SLC14A1: variants seen among roughly 807,000 people sequenced by gnomAD.
SLC14A1 encodes the protein urea transporter 1.
In SLC14A1, 36 loss-of-function variants were observed where a neutral mutation model predicts 39.6. The ratio of observed to expected loss-of-function variants is 0.91; its 90% CI spans 0.70 to 1.20. SLC14A1 has a LOEUF of 1.20. SLC14A1 is among the 50% of genes most tolerant of loss of function. SLC14A1 has a pLI of 0.00. For missense variants in SLC14A1, 469 were observed against 478.7 expected (o/e 0.98, Z 0.19); for synonymous variants, 164 against 173.6 (o/e 0.94, Z 0.43).
Position 45,749,835 on chromosome 18 carries a change from A to T in SLC14A1, c.1054A>T (p.Met352Leu), listed in dbSNP as rs947916224. 1 of 1,614,164 alleles carries T rather than the reference A, an allele frequency of 6.2e-7. No individual in the cohort carries two copies. Among genetic ancestry groups the T allele is most frequent in the Admixed American group, 1.7e-5 (1 of 60,012 alleles). Residue 352 changes from methionine to leucine, a missense_variant, in exon 10 of 10, where the codon ATG becomes TTG. Physicochemically the swap from Met to Leu is conservative, Grantham distance 15 (BLOSUM62 2). Transcript: ENST00000321925. ...FCLATLLFLI[M>L]TTKNSNIYKM... ...TTTGGCCACGCTATTGTTCCTCATC[A>T]TGACCACAAAAAATTCCAACATCTA...
intron 1 of SLC14A1, among the ~76,000 whole-genome samples, chr18:45,724,520 G>A (rs1255703281): frequency 6.6e-6 from 1 of 152,252 alleles, no homozygotes; most frequent in African/African-American, 2.4e-5. Context: ...TGCAGCACCT[G>A]AGCTGATGTG....
Position 45,730,526 on chromosome 18 carries a change from G to A in SLC14A1, c.151+55G>A, listed in dbSNP as rs558713835. Reference sequence around the variant, plus strand: ...AGGAGAAGTAGCTTTGGGGGAAATGGTTTCCTGGTACTTCTACTTATACCT... The same window carrying A: ...AGGAGAAGTAGCTTTGGGGGAAATGATTTCCTGGTACTTCTACTTATACCT... On this transcript the variant is annotated intron_variant, in intron 3 of 9. Transcript: ENST00000321925. The A allele has an allele frequency of 8.9e-6, 14 of 1,581,168 alleles. No homozygotes were observed. In the African/African-American group the frequency reaches 1.8e-4, roughly 20 times the overall value.
intron 8 of SLC14A1, among the ~76,000 whole-genome samples, chr18:45,743,502 G>T (rs1208839550): frequency 4.6e-5 from 7 of 152,068 alleles, no homozygotes; most frequent in Non-Finnish European, 8.8e-5. Flanking sequence ...TTCAATTCCA[G>T]CAGGTCTGCT....
rs2047018049 is a variant in SLC14A1, at chr18:45,731,141, C to T, written c.278C>T (p.Ala93Val). Residue 93 changes from alanine (A) to valine (V), a missense_variant, in exon 4 of 10, where the codon GCT becomes GTT. Physicochemically the swap from Ala to Val is moderately conservative, Grantham distance 64 (BLOSUM62 0). Transcript: ENST00000321925. Reference protein sequence around the residue: ...VGLLVQNPWWALTGWLGTVVS... With the variant: ...VGLLVQNPWWVLTGWLGTVVS... ...CTTCTTGTTCAGAACCCCTGGTGGG[C>T]TCTCACTGGCTGGCTGGGAACAGTG... is the stretch of plus-strand genomic sequence containing the variant. The T allele has an allele frequency of 6.2e-7, 1 of 1,614,160 alleles. No individual in the cohort carries two copies. Among genetic ancestry groups the T allele is most frequent in the Non-Finnish European group, 8.5e-7 (1 of 1,180,006 alleles).
At chr18:45,727,634 G>A (rs534412271) in intron 2 of SLC14A1, among the ~76,000 whole-genome samples, 187 of 152,338 alleles carry the variant, frequency 1.2e-3, no homozygotes, top group Non-Finnish European at 2.0e-3. Context: ...AAAAGCTGGG[G>A]ATAAGTCACC....
At chr18:45,728,130 G>T (rs183035053) in intron 2 of SLC14A1, among the ~76,000 whole-genome samples, 31 of 152,242 alleles carry the variant, frequency 2.0e-4, no homozygotes, top group Admixed American at 1.9e-3. Flanking sequence ...TTGGGCTGTC[G>T]ATTTGGAGAA....
intron 8 of SLC14A1, chr18:45,741,274 TTCAA>T (rs371093031): frequency 6.6e-6 from 1 of 152,226 alleles, no homozygotes. Context: ...GCATGCCTAA[TTCAA>T]TCAAAGTATA....
chr18:45,739,131 G>C, intron 6 of SLC14A1, 32 bp from the exon 7 acceptor site: 1 of 1,613,838 alleles, frequency 6.2e-7, no homozygotes, highest in African/African-American at 1.3e-5. Flanking sequence ...AGTTGTTTTG[G>C]TAGCCTCATT....
At chr18:45,737,466 C>T (rs994874325) in intron 6 of SLC14A1, 2 of 152,292 alleles carry the variant, frequency 1.3e-5, no homozygotes. Context: ...GAAACCTTAC[C>T]TTTTTAATGT....
intron 8 of SLC14A1, among the ~76,000 whole-genome samples, chr18:45,740,801 G>A (rs538431683): frequency 5.9e-5 from 9 of 152,268 alleles, no homozygotes; most frequent in Admixed American, 5.9e-4. Context: ...ACCTCCCAAA[G>A]TGCTGGGATT....
chr18:45,749,516 A>G (rs1488856582), intron 9 of SLC14A1, among the ~76,000 whole-genome samples: 1 of 152,138 alleles, frequency 6.6e-6, no homozygotes, highest in African/African-American at 2.4e-5. Flanking sequence ...CATCTGGTGC[A>G]GGAAGTCTGA....
At position 45,739,221 on chromosome 18, in the gene SLC14A1, C is replaced by G. The variant is rs141539101; in HGVS notation, c.722C>G (p.Thr241Arg). 8 of 1,613,968 alleles carry G rather than the reference C, an allele frequency of 5.0e-6. No homozygotes were observed. Among genetic ancestry groups the G allele is most frequent in the African/African-American group, 2.7e-5 (2 of 74,902 alleles). ...GQIYGCDNPWTGGIFLGAILL... is the reference protein window; with the variant it reads ...GQIYGCDNPWRGGIFLGAILL... Reference sequence around the variant, plus strand: ...ATCTATGGCTGTGATAATCCATGGACAGGGGGCATTTTCCTGGGAGCCATC... The same window carrying G: ...ATCTATGGCTGTGATAATCCATGGAGAGGGGGCATTTTCCTGGGAGCCATC... The change falls in exon 7 of 10, where the codon ACA becomes AGA. Residue 241 changes from threonine (T) to arginine (R), a missense_variant. Physicochemically the swap from Thr to Arg is moderately conservative, Grantham distance 71 (BLOSUM62 -1). Coordinates refer to ENST00000321925, the MANE Select transcript of SLC14A1 (RefSeq NM_015865.7).
chr18:45,735,246 G>A (rs1224517082), intron 5 of SLC14A1, among the ~76,000 whole-genome samples: 1 of 152,170 alleles, frequency 6.6e-6, no homozygotes, highest in Non-Finnish European at 1.5e-5. Context: ...TCAAACTTGA[G>A]CAATATGAGA....
rs753537712 is a variant in SLC14A1, at chr18:45,749,809, G to C, written c.1028G>C (p.Cys343Ser). 6.2e-7 allele frequency: 1 copy of C among 1,614,182 alleles called. No individual in the cohort carries two copies. Among genetic ancestry groups the C allele is most frequent in the Admixed American group, 1.7e-5 (1 of 60,014 alleles). ...VGLPACTWPF[C>S]LATLLFLIMT... is the part of the protein sequence containing the mutation. ...TTGCCAGCTTGTACCTGGCCCTTCT[G>C]TTTGGCCACGCTATTGTTCCTCATC... is the stretch of plus-strand genomic sequence containing the variant. Residue 343 changes from cysteine to serine, a missense_variant, in exon 10 of 10, where the codon TGT (cysteine) becomes TCT (serine). Coordinates refer to ENST00000321925, the MANE Select transcript of SLC14A1 (RefSeq NM_015865.7).
chr18:45,740,460 A>C (rs1347571550), intron 8 of SLC14A1, among the ~76,000 whole-genome samples: 1 of 150,726 alleles, frequency 6.6e-6, no homozygotes, highest in Non-Finnish European at 1.5e-5. Flanking sequence ...AAACAGTCTC[A>C]TTCTGAGCCA....
intron 9 of SLC14A1, among the ~76,000 whole-genome samples, 200 bp from the exon 10 acceptor site, chr18:45,749,578 C>G (rs1057456388): frequency 2.0e-5 from 3 of 151,986 alleles, no homozygotes; most frequent in African/African-American, 7.2e-5. Flanking sequence ...AGTGGCTGCC[C>G]TAAAGAATGG....
chr18:45,734,442 A>AG (rs2144774392), intron 5 of SLC14A1, 40 bp downstream of exon 5: 3 of 1,609,622 alleles, frequency 1.9e-6, no homozygotes, highest in Non-Finnish European at 1.7e-6. Context: ...TTTTGAAAAA[A>AG]AAAACATGGC....
chr18:45,731,122 G>C lies in SLC14A1; in HGVS notation c.259G>C (p.Val87Leu). 1 of 1,614,160 alleles carries C rather than the reference G, an allele frequency of 6.2e-7. No individual in the cohort carries two copies. The highest frequency in any genetic ancestry group is 8.5e-7 in the Non-Finnish European group (1 of 1,180,012). ...AATCCTGATTCTGGTAGGACTTCTT[G>C]TTCAGAACCCCTGGTGGGCTCTCAC... is the stretch of plus-strand genomic sequence containing the variant. ...SGILILVGLL[V>L]QNPWWALTGW... The change falls in exon 4 of 10, where the codon GTT (valine) becomes CTT (leucine). Residue 87 changes from valine (V) to leucine (L), a missense_variant. Coordinates refer to ENST00000321925, the MANE Select transcript of SLC14A1 (RefSeq NM_015865.7).
At position 45,751,667 on chromosome 18, in the gene SLC14A1, C is replaced by T. The variant is rs112122061; in HGVS notation, c.*1716C>T. ...GTGTAGCAGCACACATCTGCAGCAGCTACTCAGGAGGCTGAGGTGGAAAGA... is the reference window on the plus strand; with the variant it reads ...GTGTAGCAGCACACATCTGCAGCAGTTACTCAGGAGGCTGAGGTGGAAAGA... On this transcript the variant is annotated 3_prime_UTR_variant, in exon 10 of 10. Coordinates refer to ENST00000321925, the MANE Select transcript of SLC14A1 (RefSeq NM_015865.7). 36 of 423,950 alleles carry T rather than the reference C, an allele frequency of 8.5e-5. No homozygotes were observed. The highest frequency in any genetic ancestry group is 1.1e-3 in the Middle Eastern group (1 of 908). The allele number at this position is 423,950 out of a possible 1,614,324, so 26.3% of individuals were successfully genotyped here.
Sources: gnomAD v4.1 joint callset for allele counts (sites outside exome capture counted in the v4.1 genomes callset) on GRCh38, gnomAD v4.1.1 for gene constraint, MANE v1.5 for transcripts, NCBI Gene and HGNC (gene_info 2026-07-23, HGNC 2026-07-21) for gene names.